GRIK2: variants seen among roughly 807,000 people sequenced by gnomAD.
GRIK2 encodes the protein glutamate receptor ionotropic, kainate 2.
A neutral mutation model predicts 100.3 loss-of-function variants in GRIK2; 32 were observed. That is an observed-to-expected ratio of 0.32 (90% CI 0.24 to 0.43). The LOEUF (loss-of-function observed/expected upper bound fraction) is 0.43, where lower values mean the gene tolerates loss of function less well. Among genes scored for constraint, GRIK2 ranks in the 20% least tolerant of loss-of-function variants. The probability of loss-of-function intolerance (pLI) is 1.00; values close to 1 mark genes in which losing one functional copy is unlikely to be tolerated. For synonymous variants in GRIK2, 417 were observed against 389.4 expected (o/e 1.07, Z -0.83); for missense variants, 843 against 1,114.9 (o/e 0.76, Z 3.47).
At chr6:101,418,846 AT>A (rs1324057309) in intron 2 of GRIK2, among the ~76,000 whole-genome samples, 1 of 152,244 alleles carries the variant, frequency 6.6e-6, no homozygotes. Flanking sequence ...CCTCAAACTC[AT>A]GTAATTTTCA....
intron 2 of GRIK2, among the ~76,000 whole-genome samples, chr6:101,574,362 TTA>T (rs1326634485): frequency 1.4e-5 from 2 of 147,770 alleles, no homozygotes; most frequent in East Asian, 1.9e-4. Context: ...TTATATATAC[TTA>T]TATATAAATA....
chr6:101,791,065 A>AT (rs1172901421), intron 7 of GRIK2, among the ~76,000 whole-genome samples: 1 of 152,100 alleles, frequency 6.6e-6, no homozygotes, highest in Non-Finnish European at 1.5e-5. Context: ...CCCTTTTATC[A>AT]TTTTTTATTG....
chr6:101,686,060 G>A (rs1020546158), intron 6 of GRIK2, 120 bp from the exon 7 acceptor site: 22 of 617,046 alleles, frequency 3.6e-5, no homozygotes, highest in South Asian at 2.4e-4. Flanking sequence ...GATGTTTAAC[G>A]TCACTTGACA....
intron 12 of GRIK2, among the ~76,000 whole-genome samples, chr6:101,894,863 T>C (rs1388341414): frequency 6.6e-6 from 1 of 151,626 alleles, no homozygotes; most frequent in African/African-American, 2.4e-5. Context: ...TCTTAGCAGT[T>C]TGATGTACAG....
intron 9 of GRIK2, among the ~76,000 whole-genome samples, chr6:101,812,210 G>A (rs1372175341): frequency 6.6e-6 from 1 of 151,642 alleles, no homozygotes; most frequent in Non-Finnish European, 1.5e-5. Flanking sequence ...ACATATGTAT[G>A]TTCAACATTT....
intron 3 of GRIK2, among the ~76,000 whole-genome samples, chr6:101,625,107 C>T (rs2128318122): frequency 6.6e-6 from 1 of 152,060 alleles, no homozygotes; most frequent in Non-Finnish European, 1.5e-5. Flanking sequence ...GGTGTGGTGG[C>T]TCATGCCTGT....
chr6:101,534,980 T>A (rs1417425579), intron 2 of GRIK2, among the ~76,000 whole-genome samples: 1 of 151,788 alleles, frequency 6.6e-6, no homozygotes, highest in Non-Finnish European at 1.5e-5. Context: ...GATTGCAGAT[T>A]AGTTTGACAT....
chr6:101,467,578 C>G (rs369445014), intron 2 of GRIK2, among the ~76,000 whole-genome samples: 10 of 152,128 alleles, frequency 6.6e-5, no homozygotes, highest in Non-Finnish European at 1.2e-4. Context: ...CAGAGCTCGA[C>G]CTTCCATTAT....
intron 4 of GRIK2, among the ~76,000 whole-genome samples, chr6:101,669,089 A>T (rs1378711620): frequency 2.0e-5 from 3 of 152,200 alleles, no homozygotes; most frequent in Non-Finnish European, 4.4e-5. Context: ...GATAATTGCA[A>T]TGTGGTACCC....
chr6:101,618,848 A>T (rs1780017174), intron 2 of GRIK2, among the ~76,000 whole-genome samples: 2 of 151,416 alleles, frequency 1.3e-5, no homozygotes, highest in Non-Finnish European at 3.0e-5. Context: ...TAGACATTTT[A>T]TCTTTTTCCT....
intron 11 of GRIK2, among the ~76,000 whole-genome samples, chr6:101,882,572 A>T (rs1177216388): frequency 5.9e-5 from 9 of 151,548 alleles, no homozygotes; most frequent in Non-Finnish European, 8.8e-5. Flanking sequence ...TTTTTTTTTT[A>T]AATGATTTCC....
intron 9 of GRIK2, among the ~76,000 whole-genome samples, chr6:101,805,700 A>G (rs528287028): frequency 6.6e-6 from 1 of 152,180 alleles, no homozygotes; most frequent in Admixed American, 6.6e-5. Flanking sequence ...CATTAGACTT[A>G]TAAAATTATA....
chr6:101,434,324 C>A (rs1055040129), intron 2 of GRIK2, among the ~76,000 whole-genome samples: 2 of 152,156 alleles, frequency 1.3e-5, no homozygotes, highest in Non-Finnish European at 1.5e-5. Flanking sequence ...GAGATGAGTT[C>A]TCATACAAGT....
chr6:101,481,787 C>A (rs1020985947), intron 2 of GRIK2, among the ~76,000 whole-genome samples: 1 of 152,094 alleles, frequency 6.6e-6, no homozygotes, highest in Non-Finnish European at 1.5e-5. Context: ...ATCTCTTCTC[C>A]AATTGCAATC....
At chr6:101,921,919 A>T (rs550521430) in intron 12 of GRIK2, among the ~76,000 whole-genome samples, 1 of 152,234 alleles carries the variant, frequency 6.6e-6, no homozygotes, top group East Asian at 1.9e-4. Context: ...CAGTTTAAGA[A>T]AAAAAGCAGA....
chr6:101,736,552 G>T (rs974426490), intron 7 of GRIK2, among the ~76,000 whole-genome samples: 2 of 152,198 alleles, frequency 1.3e-5, no homozygotes, highest in African/African-American at 4.8e-5. Context: ...TGAAGCCACA[G>T]CCTGAGCTCT....
intron 14 of GRIK2, among the ~76,000 whole-genome samples, chr6:101,997,242 T>C (rs1794699334): frequency 6.6e-6 from 1 of 152,062 alleles, no homozygotes; most frequent in South Asian, 2.1e-4. Flanking sequence ...TGCAAGGTCT[T>C]TCTTTTTTAT....
intron 2 of GRIK2, among the ~76,000 whole-genome samples, chr6:101,472,643 G>T (rs1426191290): frequency 2.6e-5 from 4 of 151,700 alleles, no homozygotes; most frequent in Non-Finnish European, 5.9e-5. Flanking sequence ...ATTTTTAAGT[G>T]TGTGAATAAA....
At chr6:101,614,886 A>G (rs1272772176) in intron 2 of GRIK2, among the ~76,000 whole-genome samples, 2 of 151,760 alleles carry the variant, frequency 1.3e-5, no homozygotes, top group Non-Finnish European at 2.9e-5. Flanking sequence ...TCATGGGTTT[A>G]TGAGTCATAC....
Sources: gnomAD v4.1 joint callset for allele counts (sites outside exome capture counted in the v4.1 genomes callset) on GRCh38, gnomAD v4.1.1 for gene constraint, MANE v1.5 for transcripts, NCBI Gene and HGNC (gene_info 2026-07-23, HGNC 2026-07-21) for gene names.